C6: variants seen among roughly 807,000 people sequenced by gnomAD.
The protein encoded by C6 is complement component C6.
Under a neutral mutation model 112.9 loss-of-function variants are expected in C6, and 101 were observed. The observed-to-expected ratio is 0.89, with a 90% CI of 0.76 to 1.06. The LOEUF (loss-of-function observed/expected upper bound fraction) is 1.06, where lower values mean the gene tolerates loss of function less well. Ranked by LOEUF, C6 falls within the 50% of genes least tolerant of loss-of-function variation. The probability of loss-of-function intolerance (pLI) is 0.00; values close to 1 mark genes in which losing one functional copy is unlikely to be tolerated. For missense variants in C6, 1,202 were observed against 1,104.6 expected (o/e 1.09, Z -1.25); for synonymous variants, 431 against 384.1 (o/e 1.12, Z -1.43).
intron 1 of C6, among the ~76,000 whole-genome samples, chr5:41,208,265 G>A (rs1751599437): frequency 6.6e-6 from 1 of 152,162 alleles, no homozygotes; most frequent in African/African-American, 2.4e-5. Context: ...ACAAGAGAAA[G>A]CAGGAAAGAT....
intron 1 of C6, among the ~76,000 whole-genome samples, chr5:41,233,019 A>T (rs575928726): frequency 7.8e-4 from 118 of 152,122 alleles, no homozygotes; most frequent in African/African-American, 2.7e-3. Flanking sequence ...GTATGCATAT[A>T]TTTTCAATTA....
At chr5:41,184,807 A>C (rs1749644133) in intron 6 of C6, among the ~76,000 whole-genome samples, 1 of 152,094 alleles carries the variant, frequency 6.6e-6, no homozygotes, top group Non-Finnish European at 1.5e-5. Context: ...TGTGGATGTA[A>C]ACAATTTTCT....
chr5:41,177,580 C>A (rs1206738728), intron 7 of C6, among the ~76,000 whole-genome samples: 2 of 152,070 alleles, frequency 1.3e-5, no homozygotes, highest in Admixed American at 1.3e-4. Flanking sequence ...CATGTTTTAG[C>A]AAAATAACTG....
intron 1 of C6, among the ~76,000 whole-genome samples, chr5:41,206,653 A>G (rs1181840136): frequency 6.6e-6 from 1 of 152,208 alleles, no homozygotes; most frequent in African/African-American, 2.4e-5. Context: ...GAATGAAATG[A>G]AGTGAGAAGA....
At chr5:41,222,345 T>C (rs1313522509) in intron 1 of C6, among the ~76,000 whole-genome samples, 1 of 151,998 alleles carries the variant, frequency 6.6e-6, no homozygotes, top group Non-Finnish European at 1.5e-5. Context: ...TGTTATATGC[T>C]AATAGCTTTT....
chr5:41,234,350 G>GTTTTTTT (rs1316483722), intron 1 of C6, among the ~76,000 whole-genome samples: 2 of 127,800 alleles, frequency 1.6e-5, no homozygotes, highest in African/African-American at 3.4e-5. Context: ...TTTTTTTTTT[G>GTTTTTTT]TTTTTTGTTT....
At chr5:41,249,467 T>A (rs1741212555) in intron 1 of C6, among the ~76,000 whole-genome samples, 1 of 152,224 alleles carries the variant, frequency 6.6e-6, no homozygotes, top group East Asian at 1.9e-4. Flanking sequence ...CAACCTCTAC[T>A]TTACTTTGAT....
intron 1 of C6, among the ~76,000 whole-genome samples, chr5:41,208,418 A>G (rs55944224): frequency 0.062 from 9,416 of 152,158 alleles, 384 homozygotes; most frequent in African/African-American, 0.12. Context: ...TTCAAAAAAT[A>G]AATGAATCCA....
intron 11 of C6, chr5:41,159,589 A>G (rs1042088025): frequency 6.4e-6 from 2 of 312,112 alleles, no homozygotes; most frequent in African/African-American, 4.5e-5. Context: ...CATCTTCTTA[A>G]CAGAATGCAT....
chr5:41,215,380 T>G (rs1752164093), upstream of C6, among the ~76,000 whole-genome samples: 2 of 152,138 alleles, frequency 1.3e-5, no homozygotes, highest in South Asian at 2.1e-4. Context: ...TTGGGACTGA[T>G]GAGTAGGTGA....
intron 1 of C6, among the ~76,000 whole-genome samples, chr5:41,229,559 T>G (rs1376959427): frequency 1.3e-5 from 2 of 152,172 alleles, no homozygotes; most frequent in African/African-American, 2.4e-5. Context: ...GATTTCAGTC[T>G]TTTTTGATGT....
intron 7 of C6, 36 bp from the exon 8 acceptor site, chr5:41,176,751 G>C: frequency 6.3e-7 from 1 of 1,586,640 alleles, no homozygotes; most frequent in Non-Finnish European, 8.6e-7. Context: ...ATGATTAAAG[G>C]TAATGAAAGT....
intron 5 of C6, among the ~76,000 whole-genome samples, chr5:41,190,173 T>C (rs1177821785): frequency 6.6e-6 from 1 of 152,212 alleles, no homozygotes; most frequent in Admixed American, 6.5e-5. Flanking sequence ...TGTAGTTTTT[T>C]TGAGGAATCT....
At chr5:41,212,113 A>G (rs1190576867) in intron 1 of C6, among the ~76,000 whole-genome samples, 1 of 152,106 alleles carries the variant, frequency 6.6e-6, no homozygotes, top group African/African-American at 2.4e-5. Flanking sequence ...CTTTTTTAAT[A>G]TTCTATTATT....
chr5:41,225,250 G>A (rs933428885), intron 1 of C6, among the ~76,000 whole-genome samples: 3 of 151,832 alleles, frequency 2.0e-5, no homozygotes, highest in Admixed American at 6.6e-5. Context: ...AGTGTGTGAC[G>A]TTCCCCTTCC....
intron 7 of C6, among the ~76,000 whole-genome samples, chr5:41,178,466 C>CTTTTTTTTTTTTTTTTTTTTT (rs70988836): frequency 2.0e-5 from 2 of 101,594 alleles, no homozygotes; most frequent in African/African-American, 3.8e-5. Context: ...TTTTCTTTTT[C>CTTTTTTTTTTTTTTTTTTTTT]TTTTTTTTTT....
chr5:41,234,084 A>T (rs16871040), intron 1 of C6, among the ~76,000 whole-genome samples: 11,697 of 152,116 alleles, frequency 0.077, 748 homozygotes, highest in African/African-American at 0.17. Flanking sequence ...GTAAGCCAGA[A>T]TTTACAAAAC....
intron 1 of C6, among the ~76,000 whole-genome samples, chr5:41,205,400 T>C (rs1487472504): frequency 6.6e-6 from 1 of 151,778 alleles, no homozygotes. Context: ...GTCCATGGAG[T>C]GTGAGCTGAA....
chr5:41,166,137 T>C (rs543552177), intron 9 of C6, among the ~76,000 whole-genome samples: 2 of 152,224 alleles, frequency 1.3e-5, no homozygotes, highest in South Asian at 4.1e-4. Flanking sequence ...ACTCAAAGTT[T>C]TTCAATTTAA....
Sources: gnomAD v4.1 joint callset for allele counts (sites outside exome capture counted in the v4.1 genomes callset) on GRCh38, gnomAD v4.1.1 for gene constraint, MANE v1.5 for transcripts, NCBI Gene and HGNC (gene_info 2026-07-23, HGNC 2026-07-21) for gene names.